The following KCTD16 variants were observed in gnomAD, a reference collection of about 807,000 sequenced individuals.
KCTD16 encodes BTB/POZ domain-containing protein KCTD16.
In KCTD16, 13 loss-of-function variants were observed where a neutral mutation model predicts 33.2. The ratio of observed to expected loss-of-function variants is 0.39; its 90% confidence interval spans 0.25 to 0.62. The LOEUF (loss-of-function observed/expected upper bound fraction) is 0.62. Ranked by LOEUF, KCTD16 falls within the 20% of genes least tolerant of loss-of-function variation. KCTD16 has a pLI of 0.50. For synonymous variants in KCTD16, 197 were observed against 195.3 expected (o/e 1.01, Z -0.07); for missense variants, 441 against 525.1 (o/e 0.84, Z 1.57).
chr5:144,438,247 G>A (rs192975235), intron 3 of KCTD16, among the ~76,000 whole-genome samples: 216 of 152,214 alleles, frequency 1.4e-3, no homozygotes, highest in African/African-American at 3.3e-3. Flanking sequence ...TTGATCCTGC[G>A]TTAGTCAAGA....
intron 2 of KCTD16, among the ~76,000 whole-genome samples, chr5:144,202,073 C>T (rs989579198): frequency 6.6e-6 from 1 of 152,202 alleles, no homozygotes; most frequent in African/African-American, 2.4e-5. Flanking sequence ...CACAATTTAC[C>T]TAACATACGT....
At chr5:144,467,487 A>G (rs1754374023) in intron 3 of KCTD16, among the ~76,000 whole-genome samples, 1 of 152,164 alleles carries the variant, frequency 6.6e-6, no homozygotes, top group African/African-American at 2.4e-5. Flanking sequence ...GGAAACAAGC[A>G]CATCCCTTGC....
chr5:144,375,651 T>C (rs1752074404), intron 3 of KCTD16, among the ~76,000 whole-genome samples: 1 of 152,160 alleles, frequency 6.6e-6, no homozygotes, highest in African/African-American at 2.4e-5. Context: ...GAAAATTCTT[T>C]CTCATTTCAG....
At chr5:144,211,460 A>G (rs2112659) in intron 3 of KCTD16, among the ~76,000 whole-genome samples, 24,528 of 152,120 alleles carry the variant, frequency 0.16, 2,633 homozygotes, top group African/African-American at 0.3. Context: ...CAAGTGGAAA[A>G]TTCCACATAT....
At chr5:144,299,688 G>C (rs190905564) in intron 3 of KCTD16, among the ~76,000 whole-genome samples, 1 of 151,834 alleles carries the variant, frequency 6.6e-6, no homozygotes, top group Non-Finnish European at 1.5e-5. Flanking sequence ...GTAAGGTAGG[G>C]CATTATGTAA....
At chr5:144,388,916 A>G (rs1864171) in intron 3 of KCTD16, among the ~76,000 whole-genome samples, 8,527 of 152,270 alleles carry the variant, frequency 0.056, 785 homozygotes, top group African/African-American at 0.19. Flanking sequence ...GTGTCTTAAT[A>G]TGTGTGTGTA....
intron 3 of KCTD16, among the ~76,000 whole-genome samples, chr5:144,345,879 TA>T (rs1752786158): frequency 6.6e-6 from 1 of 152,084 alleles, no homozygotes; most frequent in African/African-American, 2.4e-5. Flanking sequence ...TTAAGTTATT[TA>T]AAAATGGACA....
rs767804405 is a variant in KCTD16 at position 144,180,937 on chromosome 5, C to CT, written c.-327+6478dup. Reference sequence around the variant, plus strand: ...ATTATACTGCAACTTTTTCTTTTTTCTTTTTTTTTTTTTGAGACGGAGTCT... The same window carrying CT: ...ATTATACTGCAACTTTTTCTTTTTTCTTTTTTTTTTTTTTGAGACGGAGTCT... On this transcript the variant is annotated intron_variant, in intron 2 of 3. Coordinates refer to ENST00000512467, the MANE Select transcript of KCTD16 (RefSeq NM_020768.4). 9.6e-3 allele frequency among the ~76,000 whole-genome samples: 1,396 copies of CT among 145,328 alleles called. 6 individuals carry two copies. Among genetic ancestry groups the CT allele is most frequent in the African/African-American group, 0.021 (822 of 39,884 alleles).
In KCTD16 at chr5:144,464,604, CACTT is replaced by C. The variant is rs771241399; in HGVS notation, c.833-9052_833-9049del. On this transcript the variant is annotated intron_variant, in intron 3 of 3. Coordinates refer to ENST00000512467, the MANE Select transcript of KCTD16 (RefSeq NM_020768.4). Reference sequence around the variant, plus strand: ...AGAATAAGATAAAATGTTTGTAAAGCACTTACTATCACACATGACATGTGATAGG... The same window carrying C: ...AGAATAAGATAAAATGTTTGTAAAGCACTATCACACATGACATGTGATAGG... Among the ~76,000 whole-genome samples the C allele has an allele frequency of 5.3e-5, 8 of 152,302 alleles. 1 individual carries two copies. The highest frequency in any genetic ancestry group is 6.8e-3 in the Middle Eastern group (2 of 294).
intron 2 of KCTD16, among the ~76,000 whole-genome samples, chr5:144,197,308 A>T (rs1443155708): frequency 6.6e-6 from 1 of 152,146 alleles, no homozygotes; most frequent in African/African-American, 2.4e-5. Flanking sequence ...TATATTACTT[A>T]TCCTTTTGGA....
intron 3 of KCTD16, among the ~76,000 whole-genome samples, chr5:144,418,189 G>A (rs985390779): frequency 2.0e-5 from 3 of 152,144 alleles, no homozygotes; most frequent in African/African-American, 4.8e-5. Flanking sequence ...GCTCATAAAG[G>A]TAGTGCAGAC....
Position 144,206,460 on chromosome 5 carries a change from G to T in KCTD16, c.-255G>T. 2.4e-6 allele frequency: 1 copy of T among 417,538 alleles called. No homozygotes were observed. The highest frequency in any genetic ancestry group is 4.2e-6 in the Non-Finnish European group (1 of 235,802). The allele number at this position is 417,538 out of a possible 1,614,324, so 25.9% of individuals were successfully genotyped here. On this transcript the variant is annotated 5_prime_UTR_variant, in exon 3 of 4. Transcript: ENST00000512467. ...TTGATGGAAGATTGGATATAGACGA[G>T]TTGATTATATTTTATGAAGTAGCAG...
rs552359475 is a variant in KCTD16, at chr5:144,241,601, C to A, written c.832+34055C>A. Among the ~76,000 whole-genome samples the A allele has an allele frequency of 2.0e-5, 3 of 152,228 alleles. No homozygotes were observed. The East Asian group carries it at 5.8e-4, about 29-fold the overall frequency. On this transcript the variant is annotated intron_variant, in intron 3 of 3. Coordinates refer to ENST00000512467, the MANE Select transcript of KCTD16 (RefSeq NM_020768.4). ...GTATAAAGACTTTATTGCTATCACTCCCCTGTTGAATACAGTGATTTTCTG... is the reference window on the plus strand; with the variant it reads ...GTATAAAGACTTTATTGCTATCACTACCCTGTTGAATACAGTGATTTTCTG...
chr5:144,468,144 A>G (rs749109192), intron 3 of KCTD16, among the ~76,000 whole-genome samples: 17 of 152,166 alleles, frequency 1.1e-4, no homozygotes, highest in Non-Finnish European at 2.4e-4. Context: ...TGCCCTCCTC[A>G]GATGTCTGGG....
intron 3 of KCTD16, among the ~76,000 whole-genome samples, chr5:144,228,993 A>G (rs1451336379): frequency 6.6e-6 from 1 of 152,248 alleles, no homozygotes; most frequent in Non-Finnish European, 1.5e-5. Context: ...TGGGAGAGTG[A>G]ATAAACTAGG....
At chr5:144,316,183 C>T (rs1385508244) in intron 3 of KCTD16, among the ~76,000 whole-genome samples, 4 of 152,246 alleles carry the variant, frequency 2.6e-5, no homozygotes, top group Admixed American at 6.5e-5. Flanking sequence ...TCCTGGTAAG[C>T]AAACAATGCA....
chr5:144,457,384 G>T (rs1030269974), intron 3 of KCTD16, among the ~76,000 whole-genome samples: 1 of 152,210 alleles, frequency 6.6e-6, no homozygotes, highest in Non-Finnish European at 1.5e-5. Context: ...GGGCACTGGA[G>T]TTAGGAATGG....
intron 2 of KCTD16, among the ~76,000 whole-genome samples, chr5:144,190,155 GCTC>G (rs1752812812): frequency 1.3e-5 from 2 of 152,130 alleles, no homozygotes; most frequent in Non-Finnish European, 2.9e-5. Flanking sequence ...CTCTATTATA[GCTC>G]CTATCACTGC....
intron 3 of KCTD16, among the ~76,000 whole-genome samples, chr5:144,467,535 T>C (rs1478974184): frequency 6.6e-6 from 1 of 151,980 alleles, no homozygotes; most frequent in African/African-American, 2.4e-5. Flanking sequence ...CCAATAAACC[T>C]AGAAACCCAC....
Sources: gnomAD v4.1 joint callset for allele counts (sites outside exome capture counted in the v4.1 genomes callset) on GRCh38, gnomAD v4.1.1 for gene constraint, MANE v1.5 for transcripts, NCBI Gene and HGNC (gene_info 2026-07-23, HGNC 2026-07-21) for gene names.